The following SOX6 variants were observed in gnomAD, a reference collection of about 807,000 sequenced individuals.
SOX6 encodes the protein SRY-box transcription factor 6, also known as transcription factor SOX-6.
Under a neutral mutation model 97.8 loss-of-function variants are expected in SOX6, and 11 were observed. The observed-to-expected ratio is 0.11, with a 90% CI of 0.07 to 0.19. SOX6 has a LOEUF of 0.19. SOX6 is among the 10% of genes least tolerant of loss of function. The pLI is 1.00. For synonymous variants in SOX6, 360 were observed against 371.4 expected, an observed-to-expected ratio of 0.97 and a Z score of 0.35; for missense variants, 810 against 1,039.5, an observed-to-expected ratio of 0.78 and a Z score of 3.04.
chr11:16,190,490 A>T (rs563483436), intron 4 of SOX6, among the ~76,000 whole-genome samples: 55 of 152,360 alleles, frequency 3.6e-4, no homozygotes, highest in African/African-American at 1.3e-3. Context: ...ACATTGTATT[A>T]GGTGTTATAA....
intron 4 of SOX6, among the ~76,000 whole-genome samples, chr11:16,568,834 T>A (rs1847905331): frequency 6.6e-6 from 1 of 152,182 alleles, no homozygotes; most frequent in Admixed American, 6.5e-5. Flanking sequence ...CTGTCCACCC[T>A]TACTCTCCCA....
chr11:16,375,619 T>G (rs1047556319), intron 1 of SOX6, among the ~76,000 whole-genome samples: 1 of 152,118 alleles, frequency 6.6e-6, no homozygotes, highest in Admixed American at 6.6e-5. Context: ...ATTGAAAAGC[T>G]AAGGCAAACA....
intron 3 of SOX6, among the ~76,000 whole-genome samples, chr11:16,636,344 G>C (rs1291756275): frequency 6.6e-6 from 1 of 152,194 alleles, no homozygotes; most frequent in African/African-American, 2.4e-5. Flanking sequence ...TTTCAGACTT[G>C]CATGGTGCCT....
intron 3 of SOX6, chr11:16,646,357 T>C (rs1278898959): frequency 1.3e-5 from 2 of 152,178 alleles, no homozygotes; most frequent in East Asian, 1.9e-4. Flanking sequence ...TAATATAATA[T>C]GTTGTGTTTA....
intron 4 of SOX6, among the ~76,000 whole-genome samples, chr11:16,598,221 T>C (rs919694203): frequency 1.3e-5 from 2 of 152,034 alleles, no homozygotes; most frequent in African/African-American, 4.8e-5. Flanking sequence ...ATTTTATAGA[T>C]AAGGAAACTG....
chr11:16,181,570 AAAAAG>A lies in SOX6; in HGVS notation c.777+2311_777+2315del, dbSNP rs1261524502. On this transcript the variant is annotated intron_variant, in intron 6 of 15. Transcript: ENST00000683767. The stretch of plus-strand genomic sequence containing the variant: ...ACCCTTTCCCCTTCCAAAAAAAAAA[AAAAAG>A]AAAGTCTGAATGTCAAATACCTGTT... Among the ~76,000 whole-genome samples the A allele has an allele frequency of 5.9e-5, 9 of 151,576 alleles. No homozygotes were observed. The East Asian group carries it at 1.7e-3, about 29-fold the overall frequency.
At chr11:16,711,167 C>G (rs1848176688) in intron 3 of SOX6, among the ~76,000 whole-genome samples, 1 of 152,180 alleles carries the variant, frequency 6.6e-6, no homozygotes, top group African/African-American at 2.4e-5. Flanking sequence ...CTCCTCCAAT[C>G]CATTCTCCAT....
chr11:16,298,411 TG>T (rs1259948643), intron 3 of SOX6, among the ~76,000 whole-genome samples: 42 of 152,310 alleles, frequency 2.8e-4, no homozygotes, highest in African/African-American at 9.1e-4. Flanking sequence ...TAAATTTATG[TG>T]TTTTTTTTAG....
At chr11:16,024,006 C>A (rs1174805050) in intron 12 of SOX6, among the ~76,000 whole-genome samples, 2 of 152,044 alleles carry the variant, frequency 1.3e-5, no homozygotes, top group Non-Finnish European at 2.9e-5. Flanking sequence ...CAGAATGTGA[C>A]TGTATTTGGA....
chr11:16,185,042 G>A (rs2134103873), intron 5 of SOX6, among the ~76,000 whole-genome samples: 1 of 152,214 alleles, frequency 6.6e-6, no homozygotes, highest in Admixed American at 6.5e-5. Context: ...TACTTCCCAA[G>A]CCTTTTTAAT....
At chr11:16,174,271 G>C (rs999282232) in intron 6 of SOX6, among the ~76,000 whole-genome samples, 1 of 151,820 alleles carries the variant, frequency 6.6e-6, no homozygotes, top group Admixed American at 6.6e-5. Context: ...TCAAAAGTTA[G>C]AGTCCAGACT....
At position 16,206,465 on chromosome 11, in the gene SOX6, G is replaced by C. The variant is rs796554901; in HGVS notation, c.536-19510C>G. ...ATAATCAGACTGAGGAAGAAGTATG[G>C]TGAAGTGTTTAAGAGCTTGGGTTCT... On this transcript the variant is annotated intron_variant, in intron 4 of 15. Transcript: ENST00000683767. Among the ~76,000 whole-genome samples, 5 of 152,166 alleles carry C rather than the reference G, an allele frequency of 3.3e-5. No homozygotes were observed. In the South Asian group the frequency reaches 1.0e-3, roughly 32 times the overall value.
intron 1 of SOX6, among the ~76,000 whole-genome samples, chr11:16,397,794 G>A (rs188899796): frequency 4.2e-4 from 64 of 151,516 alleles, no homozygotes; most frequent in African/African-American, 1.4e-3. Context: ...AAGCATTCAG[G>A]TGCTAAAACA....
At chr11:16,153,477 C>T (rs969848256) in intron 6 of SOX6, among the ~76,000 whole-genome samples, 1 of 152,102 alleles carries the variant, frequency 6.6e-6, no homozygotes, top group Non-Finnish European at 1.5e-5. Context: ...GGTTAACTAC[C>T]TCTGATAGGA....
intron 3 of SOX6, among the ~76,000 whole-genome samples, chr11:16,693,788 C>CAG (rs1359278758): frequency 6.6e-6 from 1 of 152,110 alleles, no homozygotes; most frequent in Non-Finnish European, 1.5e-5. Context: ...CTTTCTAAGT[C>CAG]CATATTCTGA....
chr11:16,609,370 T>A (rs1848371468), intron 4 of SOX6, among the ~76,000 whole-genome samples: 1 of 152,204 alleles, frequency 6.6e-6, no homozygotes, highest in African/African-American at 2.4e-5. Context: ...TGCAGAGATT[T>A]GTGAAGGAGA....
intron 2 of SOX6, among the ~76,000 whole-genome samples, chr11:16,321,818 T>C (rs897285388): frequency 1.3e-5 from 2 of 152,184 alleles, no homozygotes; most frequent in African/African-American, 4.8e-5. Context: ...TGTTATGTTA[T>C]ACCATGCTTA....
At chr11:16,416,302 C>A (rs1858925833) in intron 1 of SOX6, among the ~76,000 whole-genome samples, 1 of 152,210 alleles carries the variant, frequency 6.6e-6, no homozygotes, top group South Asian at 2.1e-4. Flanking sequence ...CAGCATTATT[C>A]TTTAGCAAGG....
chr11:16,718,076 C>T (rs556079983), intron 2 of SOX6, among the ~76,000 whole-genome samples: 20 of 151,412 alleles, frequency 1.3e-4, no homozygotes, highest in African/African-American at 4.8e-4. Context: ...CATTTGTAGC[C>T]TTTATTTCTT....
Sources: allele counts gnomAD v4.1 joint callset (sites outside exome capture counted in the v4.1 genomes callset), GRCh38; gene constraint gnomAD v4.1.1; transcripts MANE v1.5; gene names NCBI Gene and HGNC (gene_info 2026-07-23, HGNC 2026-07-21).